Variants in LNX1 observed in about 807,000 individuals in gnomAD.
LNX1 encodes E3 ubiquitin-protein ligase LNX.
In LNX1, 54 loss-of-function variants were observed where a neutral mutation model predicts 68.4. The observed-to-expected ratio is 0.79, with a 90% CI of 0.63 to 0.99. The LOEUF (loss-of-function observed/expected upper bound fraction) is 0.99, where lower values mean the gene tolerates loss of function less well. Among genes scored for constraint, LNX1 ranks in the 50% least tolerant of loss-of-function variants. LNX1 has a pLI of 0.00. For synonymous variants in LNX1, 336 were observed against 350.0 expected (o/e 0.96, Z 0.45); for missense variants, 906 against 926.4 (o/e 0.98, Z 0.29).
chr4:53,536,122 G>T (rs1480239974), intron 2 of LNX1, among the ~76,000 whole-genome samples: 2 of 152,160 alleles, frequency 1.3e-5, no homozygotes, highest in Non-Finnish European at 2.9e-5. Context: ...ATGTAACAAG[G>T]TTGCCTGGTT....
At chr4:53,599,046 C>T (rs1003048839) in intron 2 of LNX1, among the ~76,000 whole-genome samples, 1 of 152,158 alleles carries the variant, frequency 6.6e-6, no homozygotes, top group Non-Finnish European at 1.5e-5. Flanking sequence ...TTTCTTCTAA[C>T]TTTAAGGCTC....
upstream of LNX1, among the ~76,000 whole-genome samples, chr4:53,621,062 G>A (rs1733850817): frequency 6.6e-6 from 1 of 152,122 alleles, no homozygotes; most frequent in Non-Finnish European, 1.5e-5. Context: ...TCACCTCCCA[G>A]GGAGCATTAC....
chr4:53,627,003 A>C (rs1190944718), intron 1 of LNX1, among the ~76,000 whole-genome samples: 2 of 152,158 alleles, frequency 1.3e-5, no homozygotes, highest in African/African-American at 2.4e-5. Context: ...CGGGGATCCC[A>C]GTTTGGTTTG....
In LNX1 at chr4:53,513,149, G is replaced by T. The variant is rs544047897; in HGVS notation, c.381-4922C>A. Among the ~76,000 whole-genome samples the T allele has an allele frequency of 2.2e-3, 336 of 151,970 alleles. 1 individual carries two copies. Among genetic ancestry groups the T allele is most frequent in the African/African-American group, 7.9e-3 (328 of 41,444 alleles). On this transcript the variant is annotated intron_variant, in intron 2 of 10. Transcript: ENST00000263925. ...AACCGCCCAGGGAAATGTTCCCATCGCTTCCAGGCCTTCCCTGATCCATAT... is the reference window on the plus strand; with the variant it reads ...AACCGCCCAGGGAAATGTTCCCATCTCTTCCAGGCCTTCCCTGATCCATAT...
At chr4:53,587,498 T>C (rs865937039) in intron 1 of LNX1, among the ~76,000 whole-genome samples, 4 of 152,198 alleles carry the variant, frequency 2.6e-5, no homozygotes, top group Non-Finnish European at 5.9e-5. Flanking sequence ...GTAATGTCAG[T>C]ACATAAATAT....
intron 2 of LNX1, among the ~76,000 whole-genome samples, chr4:53,515,611 A>G (rs2109550096): frequency 6.6e-6 from 1 of 152,042 alleles, no homozygotes; most frequent in South Asian, 2.1e-4. Context: ...ATTTGCTTTG[A>G]GTTTAAGAAG....
chr4:53,592,635 C>T (rs1732561372), upstream of LNX1, among the ~76,000 whole-genome samples: 1 of 152,186 alleles, frequency 6.6e-6, no homozygotes, highest in Non-Finnish European at 1.5e-5. Context: ...CTATTTTCCT[C>T]CTACTTTTGC....
intron 2 of LNX1, among the ~76,000 whole-genome samples, chr4:53,564,614 T>C (rs1424006328): frequency 6.6e-6 from 1 of 152,176 alleles, no homozygotes; most frequent in Admixed American, 6.5e-5. Context: ...ACTTTGCAGA[T>C]GTAATTAAGA....
At chr4:53,515,473 G>C (rs1354405483) in intron 2 of LNX1, among the ~76,000 whole-genome samples, 3 of 151,648 alleles carry the variant, frequency 2.0e-5, no homozygotes, top group African/African-American at 7.3e-5. Flanking sequence ...AAGCTCATGA[G>C]TTCCCTTTCC....
chr4:53,631,550 T>TGG, intron 1 of LNX1, among the ~76,000 whole-genome samples: 1 of 152,300 alleles, frequency 6.6e-6, no homozygotes, highest in African/African-American at 2.4e-5. Flanking sequence ...TGCCTCCCCA[T>TGG]GGCATAGTTT....
chr4:53,546,882 A>G (rs951492924), intron 2 of LNX1, among the ~76,000 whole-genome samples: 1 of 152,188 alleles, frequency 6.6e-6, no homozygotes, highest in Non-Finnish European at 1.5e-5. Flanking sequence ...CCACTTGTGG[A>G]GGCAGAGCTG....
chr4:53,534,056 G>A (rs1467016013), intron 2 of LNX1, among the ~76,000 whole-genome samples: 2 of 152,184 alleles, frequency 1.3e-5, no homozygotes, highest in Non-Finnish European at 1.5e-5. Context: ...CCTACTTTAC[G>A]AGTGTATCCA....
intron 1 of LNX1, among the ~76,000 whole-genome samples, chr4:53,578,728 A>G (rs1029878023): frequency 6.6e-6 from 1 of 152,192 alleles, no homozygotes; most frequent in African/African-American, 2.4e-5. Flanking sequence ...TCTTTCTGAG[A>G]GCAATTTGAA....
At chr4:53,631,350 G>A (rs1248357029) in intron 1 of LNX1, among the ~76,000 whole-genome samples, 2 of 152,100 alleles carry the variant, frequency 1.3e-5, no homozygotes, top group Non-Finnish European at 2.9e-5. Context: ...TTCCCTGTGG[G>A]CCTTCAGCAG....
Position 53,461,475 on chromosome 4 carries a change from T to C in LNX1, c.2011A>G (p.Ile671Val), listed in dbSNP as rs781553139. ...TTGTATGCTGGTGTTCCTTCAACAA[T>C]GGATTTGATGAAAAAAGGTTTGTTT... Reference protein sequence around the residue: ...NGNKPFFIKSIVEGTPAYNDG... With the variant: ...NGNKPFFIKSVVEGTPAYNDG... The change falls in exon 10 of 11, where the codon ATT becomes GTT. Residue 671 changes from isoleucine (I) to valine (V), a missense_variant. Physicochemically the swap from Ile to Val is conservative, Grantham distance 29 (BLOSUM62 3). Coordinates refer to ENST00000263925, the MANE Select transcript of LNX1 (RefSeq NM_001126328.3). The C allele has an allele frequency of 3.1e-6, 5 of 1,612,224 alleles. No individual in the cohort carries two copies. The highest frequency in any genetic ancestry group is 3.3e-5 in the Admixed American group (2 of 59,832).
chr4:53,606,093 A>C (rs370440021), intron 2 of LNX1, among the ~76,000 whole-genome samples: 8 of 152,276 alleles, frequency 5.3e-5, no homozygotes, highest in African/African-American at 1.9e-4. Flanking sequence ...GAAATAATCA[A>C]AATCAGAGCT....
At chr4:53,529,851 C>T (rs1253009401) in intron 2 of LNX1, among the ~76,000 whole-genome samples, 1 of 152,182 alleles carries the variant, frequency 6.6e-6, no homozygotes, top group African/African-American at 2.4e-5. Flanking sequence ...GAACATACAC[C>T]ATCCAAGGGC....
At chr4:53,570,907 G>T (rs1460308200) in intron 2 of LNX1, among the ~76,000 whole-genome samples, 1 of 151,582 alleles carries the variant, frequency 6.6e-6, no homozygotes, top group African/African-American at 2.4e-5. Context: ...GGCACCTGTA[G>T]TCCCAACTAC....
At position 53,460,439 on chromosome 4, in the gene LNX1, A is replaced by C. The variant is rs1263165773; in HGVS notation, c.*468T>G. On this transcript the variant is annotated 3_prime_UTR_variant, in exon 11 of 11. Coordinates refer to ENST00000263925, the MANE Select transcript of LNX1 (RefSeq NM_001126328.3). ...CAAAAGTAATCTTAATTAGTATCAC[A>C]TACTAAAAGACAACTATAACTTCTG... 5.2e-6 allele frequency: 1 copy of C among 191,182 alleles called. No individual in the cohort carries two copies. Among genetic ancestry groups the C allele is most frequent in the African/African-American group, 2.3e-5 (1 of 42,968 alleles). 11.8% of individuals were successfully genotyped at this position (191,182 alleles called of 1,614,324 possible). A position where few individuals can be genotyped will look rare whatever the true frequency, so the allele number is the denominator to read the frequency against.
Sources: allele counts gnomAD v4.1 joint callset (sites outside exome capture counted in the v4.1 genomes callset), GRCh38; gene constraint gnomAD v4.1.1; transcripts MANE v1.5; gene names NCBI Gene and HGNC (gene_info 2026-07-23, HGNC 2026-07-21).